Variants in AFF1 observed in about 807,000 individuals in gnomAD.
AFF1 encodes the protein AF4/FMR2 family member 1.
Under a neutral mutation model 121.7 loss-of-function variants are expected in AFF1, and 48 were observed. That is an observed-to-expected ratio of 0.39 (90% CI 0.31 to 0.50). The LOEUF is 0.50. AFF1 is among the 20% of genes least tolerant of loss of function. The pLI is 0.76. For synonymous variants in AFF1, 613 were observed against 563.0 expected (o/e 1.09, Z -1.26); for missense variants, 1,523 against 1,511.7 (o/e 1.01, Z -0.12).
chr4:87,041,937 C>T (rs960598520), intron 2 of AFF1, among the ~76,000 whole-genome samples: 6 of 151,642 alleles, frequency 4.0e-5, no homozygotes, highest in African/African-American at 4.9e-5. Flanking sequence ...ATCACTTGAA[C>T]CCAGGAGGCA....
intron 2 of AFF1, among the ~76,000 whole-genome samples, chr4:87,022,807 G>GCA (rs1178335112): frequency 9.3e-5 from 14 of 149,902 alleles, no homozygotes; most frequent in Non-Finnish European, 1.2e-4. Context: ...GTATATATAT[G>GCA]CACACACACA....
In AFF1 at chr4:87,126,292, A is replaced by G; in HGVS notation, c.2767A>G (p.Arg923Gly). 1 of 1,614,082 alleles carries G rather than the reference A, an allele frequency of 6.2e-7. No homozygotes were observed. ...NHKDSSIPKQ[R>G]RVEGKGSRSS... ...CAAAGACTCTTCCATTCCCAAGCAG[A>G]GAAGAGTAGAGGGGAAGGGCTCCAG... Residue 923 changes from arginine to glycine, a missense_variant, in exon 14 of 21, where the codon AGA (arginine) becomes GGA (glycine). Physicochemically the swap from Arg to Gly is moderately radical, Grantham distance 125. This residue lies in a region of AFF1 where 905 missense variants were observed against 842.5 expected (regional missense o/e 1.07). Coordinates refer to ENST00000395146, the MANE Select transcript of AFF1 (RefSeq NM_001166693.3).
rs1726117476 is a variant in AFF1 at position 87,108,206 on chromosome 4, G to A, written c.1424G>A (p.Ser475Asn). ...CCAGTGGCATCAGCACATTCCAGCA[G>A]TGCAGAGTCAGAAAGCACCAGTGAC... ...PEPVASAHSSSAESESTSDSD... is the reference protein window; with the variant it reads ...PEPVASAHSSNAESESTSDSD... Residue 475 changes from serine to asparagine, a missense_variant, in exon 11 of 21, where the codon AGT becomes AAT. Physicochemically the swap from Ser to Asn is conservative, Grantham distance 46. Transcript: ENST00000395146. 4 of 1,614,176 alleles carry A rather than the reference G, an allele frequency of 2.5e-6. No homozygotes were observed. Among genetic ancestry groups the A allele is most frequent in the African/African-American group, 2.7e-5 (2 of 75,050 alleles).
At chr4:87,086,364 A>G (rs945260563) in intron 5 of AFF1, among the ~76,000 whole-genome samples, 13 of 152,190 alleles carry the variant, frequency 8.5e-5, no homozygotes, top group Non-Finnish European at 8.8e-5. Flanking sequence ...TTATTTAGGA[A>G]TGGTGGTATT....
intron 4 of AFF1, among the ~76,000 whole-genome samples, chr4:87,078,581 A>C (rs753612464): frequency 5.3e-5 from 8 of 152,214 alleles, no homozygotes; most frequent in Admixed American, 6.5e-5. Flanking sequence ...TTTCCAAAAG[A>C]TGTCTTTCAT....
At chr4:87,069,620 C>G (rs1464685456) in intron 4 of AFF1, among the ~76,000 whole-genome samples, 3 of 150,146 alleles carry the variant, frequency 2.0e-5, no homozygotes, top group Non-Finnish European at 4.4e-5. Context: ...TCCCTTTCCC[C>G]CCACTTCCTC....
intron 2 of AFF1, among the ~76,000 whole-genome samples, chr4:87,029,844 G>T (rs572429926): frequency 4.2e-4 from 64 of 152,292 alleles, no homozygotes; most frequent in African/African-American, 1.5e-3. Context: ...ATTGTGAAAA[G>T]GTCAAGCTTT....
intron 3 of AFF1, 93 bp from the exon 4 acceptor site, chr4:87,046,602 G>A: frequency 7.5e-7 from 1 of 1,332,026 alleles, no homozygotes; most frequent in South Asian, 1.5e-5. Context: ...ATTAAGTTCG[G>A]AGTTTTTTCC....
chr4:86,996,557 A>G (rs1159738091), intron 2 of AFF1, among the ~76,000 whole-genome samples: 1 of 150,816 alleles, frequency 6.6e-6, no homozygotes, highest in East Asian at 1.9e-4. Context: ...ACCACTCCCT[A>G]ATCTCAAGTA....
chr4:87,075,205 T>G (rs1263646156), intron 4 of AFF1, among the ~76,000 whole-genome samples: 1 of 152,186 alleles, frequency 6.6e-6, no homozygotes, highest in Non-Finnish European at 1.5e-5. Context: ...TTTTATAAGT[T>G]TCAGTGATGT....
intron 4 of AFF1, among the ~76,000 whole-genome samples, chr4:87,059,688 G>T (rs560896878): frequency 1.3e-5 from 2 of 152,256 alleles, no homozygotes; most frequent in South Asian, 4.1e-4. Context: ...ACCTGTCTCT[G>T]CAGCCTTGAG....
intron 8 of AFF1, among the ~76,000 whole-genome samples, chr4:87,100,534 C>T (rs116355987): frequency 0.02 from 3,037 of 152,176 alleles, 110 homozygotes; most frequent in African/African-American, 0.07. Flanking sequence ...CTCTAGCCAT[C>T]CTTTCTCTTT....
chr4:87,029,777 A>G (rs1398073090), intron 2 of AFF1, among the ~76,000 whole-genome samples: 1 of 152,192 alleles, frequency 6.6e-6, no homozygotes, highest in African/African-American at 2.4e-5. Flanking sequence ...GAGTGGTTTC[A>G]TACCTCATGG....
chr4:87,043,208 G>GT (rs1730332035), intron 2 of AFF1, among the ~76,000 whole-genome samples: 1 of 152,192 alleles, frequency 6.6e-6, no homozygotes, highest in Non-Finnish European at 1.5e-5. Flanking sequence ...GGGCTCTGCT[G>GT]TTTTAAGTGG....
intron 5 of AFF1, among the ~76,000 whole-genome samples, chr4:87,088,841 G>A (rs1436574531): frequency 2.6e-5 from 4 of 152,072 alleles, no homozygotes; most frequent in African/African-American, 9.7e-5. Flanking sequence ...GCAATGGCAC[G>A]ATCTCGGCTC....
rs116228749 is a variant in AFF1 at position 87,037,034 on chromosome 4, T to G, written c.39-9132T>G. 4.7e-3 allele frequency among the ~76,000 whole-genome samples: 723 copies of G among 152,244 alleles called. 5 individuals carry two copies. Among genetic ancestry groups the G allele is most frequent in the African/African-American group, 0.017 (689 of 41,518 alleles). On this transcript the variant is annotated intron_variant, in intron 2 of 20. Coordinates refer to ENST00000395146, the MANE Select transcript of AFF1 (RefSeq NM_001166693.3). ...TGCTTTACGCAGATGGATCTAAAATTACTTGCTAACAGTCTAAGACTGAGT... is the reference window on the plus strand; with the variant it reads ...TGCTTTACGCAGATGGATCTAAAATGACTTGCTAACAGTCTAAGACTGAGT...
At chr4:87,004,587 T>C (rs1725954089) in intron 2 of AFF1, among the ~76,000 whole-genome samples, 1 of 152,218 alleles carries the variant, frequency 6.6e-6, no homozygotes, top group East Asian at 1.9e-4. Context: ...CCAGAATTGT[T>C]TTGGATTTCA....
chr4:87,068,596 C>T (rs1283885282), intron 4 of AFF1, among the ~76,000 whole-genome samples: 1 of 152,188 alleles, frequency 6.6e-6, no homozygotes, highest in Non-Finnish European at 1.5e-5. Flanking sequence ...TTTTGAACTA[C>T]GCACATGGTG....
chr4:87,074,561 T>G (rs1183264147), intron 4 of AFF1, among the ~76,000 whole-genome samples: 1 of 152,232 alleles, frequency 6.6e-6, no homozygotes, highest in South Asian at 2.1e-4. Flanking sequence ...TACATTTGTT[T>G]TTCATTCAGG....
Sources: gnomAD v4.1 joint callset for allele counts (sites outside exome capture counted in the v4.1 genomes callset) on GRCh38, gnomAD v4.1.1 for gene constraint, gnomAD v4.1.1 regional missense constraint, MANE v1.5 for transcripts, NCBI Gene and HGNC (gene_info 2026-07-23, HGNC 2026-07-21) for gene names.